The following KDM5B variants were observed in gnomAD, a reference collection of about 807,000 sequenced individuals.
The protein encoded by KDM5B is lysine-specific demethylase 5B.
Under a neutral mutation model 193.4 loss-of-function variants are expected in KDM5B, and 144 were observed. The ratio of observed to expected loss-of-function variants is 0.74; its 90% CI spans 0.65 to 0.86. KDM5B has a LOEUF of 0.86. KDM5B is among the 40% of genes least tolerant of loss of function. The probability of loss-of-function intolerance (pLI) is 0.00; values close to 1 mark genes in which losing one functional copy is unlikely to be tolerated. For synonymous variants in KDM5B, 668 were observed against 682.6 expected, an observed-to-expected ratio of 0.98 and a Z score of 0.33; for missense variants, 1,833 against 1,886.9, an observed-to-expected ratio of 0.97 and a Z score of 0.53.
chr1:202,736,451 G>A, intron 20 of KDM5B, 59 bp from the exon 21 acceptor site: 1 of 1,363,034 alleles, frequency 7.3e-7, no homozygotes, highest in South Asian at 1.5e-5. Context: ...ATGAAAAACA[G>A]GAAAAGCTTA....
chr1:202,791,311 A>G (rs1572773598), intron 1 of KDM5B, among the ~76,000 whole-genome samples: 1 of 152,330 alleles, frequency 6.6e-6, no homozygotes, highest in Middle Eastern at 3.4e-3. Flanking sequence ...TACTCTATAA[A>G]AACTGTAATT....
intron 2 of KDM5B, among the ~76,000 whole-genome samples, chr1:202,776,606 G>A (rs1044039813): frequency 2.6e-5 from 4 of 152,268 alleles, no homozygotes; most frequent in African/African-American, 9.6e-5. Context: ...CCAGGCTGGA[G>A]TGCAGAGTGC....
At chr1:202,793,039 G>A (rs1657705197) in intron 1 of KDM5B, among the ~76,000 whole-genome samples, 1 of 150,840 alleles carries the variant, frequency 6.6e-6, no homozygotes. Flanking sequence ...GGAGATGAAA[G>A]AGAGAAGCAG....
intron 2 of KDM5B, 61 bp downstream of exon 2, chr1:202,776,956 A>G: frequency 2.9e-6 from 3 of 1,041,456 alleles, no homozygotes; most frequent in Non-Finnish European, 4.5e-6. Context: ...AATATATCGT[A>G]ATAATTTCAA....
intron 22 of KDM5B, among the ~76,000 whole-genome samples, chr1:202,734,664 G>A (rs1300627816): frequency 6.6e-6 from 1 of 152,222 alleles, no homozygotes; most frequent in Non-Finnish European, 1.5e-5. Flanking sequence ...TGGAATGGAG[G>A]ACCTCTGATG....
chr1:202,779,224 G>A (rs1411094543), intron 1 of KDM5B, among the ~76,000 whole-genome samples: 2 of 152,050 alleles, frequency 1.3e-5, no homozygotes, highest in Non-Finnish European at 2.9e-5. Flanking sequence ...TTTATCCTAA[G>A]AGAACAATTC....
Position 202,803,832 on chromosome 1 carries a change from A to G in KDM5B, c.204+4270T>C, listed in dbSNP as rs183772214. Among the ~76,000 whole-genome samples the G allele has an allele frequency of 2.3e-4, 35 of 151,408 alleles. No homozygotes were observed. In the East Asian group the frequency reaches 6.2e-3, roughly 27 times the overall value. ...CAGCAAAACTCCATCTCAAAAAAAA[A>G]AGGTAGACATTTGTGGCCTAGAACT... On this transcript the variant is annotated intron_variant, in intron 1 of 26. Transcript: ENST00000367265.
intron 8 of KDM5B, chr1:202,758,957 T>C (rs1656127256): frequency 6.5e-6 from 1 of 153,944 alleles, no homozygotes; most frequent in African/African-American, 2.4e-5. Flanking sequence ...AACCTAATAC[T>C]GGGAGTTAAC....
intron 1 of KDM5B, among the ~76,000 whole-genome samples, chr1:202,797,658 G>A (rs1657902261): frequency 6.6e-6 from 1 of 152,098 alleles, no homozygotes; most frequent in Non-Finnish European, 1.5e-5. Context: ...CATGAATTGA[G>A]ATTATTTAAA....
chr1:202,760,513 A>C lies in KDM5B; in HGVS notation c.979T>G (p.Cys327Gly), dbSNP rs780814099. The C allele has an allele frequency of 1.2e-6, 2 of 1,613,428 alleles. No individual in the cohort carries two copies. Among genetic ancestry groups the C allele is most frequent in the Non-Finnish European group, 1.7e-6 (2 of 1,179,658 alleles). ...SGNDEDRLLL[C>G]DGCDDSYHTF... is the part of the protein sequence containing the mutation. ...TGGTAACTGTCATCACAGCCATCACACAACAGTAGCCGGTCTTCATCATTG... is the reference window on the plus strand; with the variant it reads ...TGGTAACTGTCATCACAGCCATCACCCAACAGTAGCCGGTCTTCATCATTG... The change falls in exon 8 of 27, where the codon TGT becomes GGT. Residue 327 changes from cysteine (C) to glycine (G), a missense_variant. Coordinates refer to ENST00000367265, the MANE Select transcript of KDM5B (RefSeq NM_006618.5).
chr1:202,756,754 G>C (rs1656027653), intron 9 of KDM5B, among the ~76,000 whole-genome samples: 1 of 152,178 alleles, frequency 6.6e-6, no homozygotes, highest in Non-Finnish European at 1.5e-5. Context: ...TTATGACCGG[G>C]AGATATTTCT....
At chr1:202,782,760 T>C (rs1289367107) in intron 1 of KDM5B, among the ~76,000 whole-genome samples, 1 of 152,242 alleles carries the variant, frequency 6.6e-6, no homozygotes, top group Non-Finnish European at 1.5e-5. Flanking sequence ...TCACTTTTTC[T>C]AACATAAAAC....
chr1:202,788,802 C>T (rs144441009), intron 1 of KDM5B, among the ~76,000 whole-genome samples: 22 of 152,262 alleles, frequency 1.4e-4, no homozygotes, highest in African/African-American at 5.3e-4. Context: ...CAAGGAGGTT[C>T]TCTAGTAACT....
rs1654759589 is a variant in KDM5B at position 202,728,702 on chromosome 1, A to G, written c.*334T>C. ...GGACTCTTAAGCTGGTAAATCCCAG[A>G]GAGAGGTAAAATTTTAATGCTGTAC... On this transcript the variant is annotated 3_prime_UTR_variant, in exon 27 of 27. Coordinates refer to ENST00000367265, the MANE Select transcript of KDM5B (RefSeq NM_006618.5). 5.1e-6 allele frequency: 1 copy of G among 194,264 alleles called. No individual in the cohort carries two copies. Among genetic ancestry groups the G allele is most frequent in the Admixed American group, 5.4e-5 (1 of 18,466 alleles). 12.0% of individuals were successfully genotyped at this position (194,264 alleles called of 1,614,324 possible).
chr1:202,783,702 C>T (rs1440849578), intron 1 of KDM5B, among the ~76,000 whole-genome samples: 1 of 151,606 alleles, frequency 6.6e-6, no homozygotes, highest in African/African-American at 2.4e-5. Context: ...ACGGTGAAAC[C>T]CCATCTCTAC....
At chr1:202,791,999 G>T (rs930385176) in intron 1 of KDM5B, among the ~76,000 whole-genome samples, 1 of 151,914 alleles carries the variant, frequency 6.6e-6, no homozygotes, top group African/African-American at 2.4e-5. Context: ...AGCCACCTAG[G>T]ACTTTAACAC....
At chr1:202,788,601 T>C in intron 1 of KDM5B, among the ~76,000 whole-genome samples, 1 of 149,738 alleles carries the variant, frequency 6.7e-6, no homozygotes, top group East Asian at 1.9e-4. Flanking sequence ...TATTGGTAGG[T>C]CCTCTAAACA....
At chr1:202,795,426 C>G (rs1657803755) in intron 1 of KDM5B, among the ~76,000 whole-genome samples, 1 of 151,922 alleles carries the variant, frequency 6.6e-6, no homozygotes, top group African/African-American at 2.4e-5. Flanking sequence ...CTGAGGCAGA[C>G]AGATCATCCG....
intron 1 of KDM5B, among the ~76,000 whole-genome samples, chr1:202,779,309 C>G (rs1321394581): frequency 1.3e-5 from 2 of 151,620 alleles, no homozygotes; most frequent in Non-Finnish European, 2.9e-5. Flanking sequence ...AGATCAAGAC[C>G]ATCCTGGCTA....
Sources: allele counts gnomAD v4.1 joint callset (sites outside exome capture counted in the v4.1 genomes callset), GRCh38; gene constraint gnomAD v4.1.1; transcripts MANE v1.5; gene names NCBI Gene and HGNC (gene_info 2026-07-23, HGNC 2026-07-21).